The following WDPCP variants were observed in gnomAD, a reference collection of about 807,000 sequenced individuals.
WDPCP encodes the protein WD repeat-containing and planar cell polarity effector protein fritz homolog.
In WDPCP, 71 loss-of-function variants were observed where a neutral mutation model predicts 93.1. The ratio of observed to expected loss-of-function variants is 0.76; its 90% CI spans 0.63 to 0.93. The LOEUF is 0.93. WDPCP is among the 40% of genes least tolerant of loss of function. WDPCP has a pLI of 0.00. For missense variants in WDPCP, 844 were observed against 887.4 expected (o/e 0.95, Z 0.62); for synonymous variants, 315 against 315.0 (o/e 1.00, Z 0.00).
chr2:63,754,740 G>T (rs1423682393), intron 2 of WDPCP, among the ~76,000 whole-genome samples: 1 of 152,192 alleles, frequency 6.6e-6, no homozygotes, highest in Non-Finnish European at 1.5e-5. Flanking sequence ...TTCAAGACAT[G>T]ATTTCCAAGA....
intron 2 of WDPCP, among the ~76,000 whole-genome samples, chr2:63,766,601 G>A (rs1670143291): frequency 1.3e-5 from 2 of 151,370 alleles, no homozygotes; most frequent in African/African-American, 2.4e-5. Context: ...CTTTACTGAA[G>A]TATAGCTGGC....
chr2:63,718,600 GT>G (rs1669370228), intron 2 of WDPCP, among the ~76,000 whole-genome samples: 2 of 151,918 alleles, frequency 1.3e-5, no homozygotes, highest in Admixed American at 1.3e-4. Context: ...TAATGGGGTT[GT>G]TTTTTTCCTT....
At chr2:63,173,960 TTTTTATGAAG>T (rs1259852823) in intron 15 of WDPCP, among the ~76,000 whole-genome samples, 1 of 152,210 alleles carries the variant, frequency 6.6e-6, no homozygotes, top group African/African-American at 2.4e-5. Context: ...CCACTGCCTA[TTTTTATGAAG>T]TTTTATTGTA....
At chr2:63,734,757 G>A (rs981447563) in intron 2 of WDPCP, among the ~76,000 whole-genome samples, 4 of 152,160 alleles carry the variant, frequency 2.6e-5, no homozygotes, top group Non-Finnish European at 5.9e-5. Context: ...TGCTAAACCT[G>A]CAGTTTAAGT....
chr2:63,822,775 A>C (rs146318102), intron 1 of WDPCP, among the ~76,000 whole-genome samples: 5 of 152,064 alleles, frequency 3.3e-5, no homozygotes, highest in Non-Finnish European at 7.4e-5. Context: ...AGTCTTAGCT[A>C]CTCAGGAGGC....
chr2:63,257,302 A>C (rs1681231373), intron 14 of WDPCP, among the ~76,000 whole-genome samples: 1 of 152,148 alleles, frequency 6.6e-6, no homozygotes, highest in South Asian at 2.1e-4. Flanking sequence ...CTTTGGGATA[A>C]GTTTAAGAGA....
chr2:63,184,315 T>G (rs1032402668), intron 14 of WDPCP, among the ~76,000 whole-genome samples: 2 of 152,160 alleles, frequency 1.3e-5, no homozygotes, highest in African/African-American at 4.8e-5. Context: ...ATAAGACCTG[T>G]GAGTTTTATA....
chr2:63,808,607 G>C lies in WDPCP; in HGVS notation n.308+5015C>G, dbSNP rs564164342. On this transcript the variant is annotated intron_variant and non_coding_transcript_variant, in intron 2 of 4. Coordinates refer to the WDPCP transcript ENST00000467687. ...GATCCACCAGCCTCGGCCTCCCGAG[G>C]TGCCGGGATTGCAGACGGAGTCTCG... Among the ~76,000 whole-genome samples the C allele has an allele frequency of 2.0e-4, 31 of 152,356 alleles. 1 individual carries two copies. The South Asian group carries it at 6.2e-3, about 31-fold the overall frequency.
At chr2:63,219,862 G>C (rs1193166830) in intron 14 of WDPCP, among the ~76,000 whole-genome samples, 1 of 151,920 alleles carries the variant, frequency 6.6e-6, no homozygotes, top group African/African-American at 2.4e-5. Context: ...AATTAGCCGG[G>C]GGTGGTGGCA....
intron 2 of WDPCP, among the ~76,000 whole-genome samples, chr2:63,686,525 T>A (rs897226379): frequency 6.6e-6 from 1 of 152,154 alleles, no homozygotes; most frequent in African/African-American, 2.4e-5. Context: ...CAAAGTAATC[T>A]GCAGATTTGA....
At chr2:63,397,562 A>G (rs1254322158) in intron 10 of WDPCP, among the ~76,000 whole-genome samples, 3 of 152,198 alleles carry the variant, frequency 2.0e-5, no homozygotes, top group South Asian at 4.1e-4. Context: ...GATGGCCCCA[A>G]CATTTTCATG....
intron 12 of WDPCP, chr2:63,369,584 G>GA (rs370762574): frequency 9.0e-6 from 4 of 446,582 alleles, no homozygotes; most frequent in East Asian, 7.0e-5. Context: ...CATCCCAAAT[G>GA]AAAAAAATAA....
At chr2:63,562,221 G>T (rs1706681164) in intron 1 of WDPCP, among the ~76,000 whole-genome samples, 1 of 152,152 alleles carries the variant, frequency 6.6e-6, no homozygotes. Context: ...CCTTTGCAGG[G>T]ACATGGATGA....
At chr2:63,731,357 A>G (rs1324268955) in intron 2 of WDPCP, among the ~76,000 whole-genome samples, 1 of 152,176 alleles carries the variant, frequency 6.6e-6, no homozygotes, top group African/African-American at 2.4e-5. Context: ...GCAGTTTTAA[A>G]AACTGAGGTA....
intron 1 of WDPCP, among the ~76,000 whole-genome samples, chr2:63,552,126 T>C (rs1445059955): frequency 1.2e-5 from 1 of 80,814 alleles, no homozygotes; most frequent in African/African-American, 4.3e-5. Context: ...ATATTCTATA[T>C]TCTATTTAAA....
chr2:63,244,566 C>A (rs187551559), intron 14 of WDPCP, among the ~76,000 whole-genome samples: 7 of 152,080 alleles, frequency 4.6e-5, no homozygotes, highest in Non-Finnish European at 7.4e-5. Context: ...TATAAAAGAT[C>A]CTTACAGATT....
intron 1 of WDPCP, among the ~76,000 whole-genome samples, chr2:63,524,003 T>C (rs1703136011): frequency 6.6e-6 from 1 of 151,984 alleles, no homozygotes; most frequent in Non-Finnish European, 1.5e-5. Flanking sequence ...AAAAATGCAA[T>C]CCCATTCACA....
chr2:63,263,861 T>C (rs1297358238), intron 13 of WDPCP, among the ~76,000 whole-genome samples: 1 of 152,212 alleles, frequency 6.6e-6, no homozygotes, highest in East Asian at 1.9e-4. Flanking sequence ...GTCATACTCA[T>C]TGTAACATTA....
At chr2:63,651,140 C>T (rs1710104512) in intron 2 of WDPCP, among the ~76,000 whole-genome samples, 1 of 152,104 alleles carries the variant, frequency 6.6e-6, no homozygotes, top group Non-Finnish European at 1.5e-5. Flanking sequence ...TAGAGCAGAG[C>T]CACCCTGTCA....
Sources: gnomAD v4.1 joint callset for allele counts (sites outside exome capture counted in the v4.1 genomes callset) on GRCh38, gnomAD v4.1.1 for gene constraint, MANE v1.5 for transcripts, NCBI Gene and HGNC (gene_info 2026-07-23, HGNC 2026-07-21) for gene names.